The following CD163L1 variants were observed in gnomAD, a reference collection of about 807,000 sequenced individuals.
CD163L1 encodes scavenger receptor cysteine-rich type 1 protein M160.
In CD163L1, 124 loss-of-function variants were observed where a neutral mutation model predicts 165.4. The ratio of observed to expected loss-of-function variants is 0.75; its 90% CI spans 0.65 to 0.87. The LOEUF (loss-of-function observed/expected upper bound fraction) is 0.87. Among genes scored for constraint, CD163L1 ranks in the 40% least tolerant of loss-of-function variants. The pLI is 0.00. For synonymous variants in CD163L1, 585 were observed against 662.2 expected (o/e 0.88, Z 1.79); for missense variants, 1,525 against 1,799.9 (o/e 0.85, Z 2.76).
At chr12:7,413,463 C>G (rs1190942682) in intron 4 of CD163L1, among the ~76,000 whole-genome samples, 1 of 152,194 alleles carries the variant, frequency 6.6e-6, no homozygotes, top group Non-Finnish European at 1.5e-5. Context: ...CACATCCTAC[C>G]AACCAGCTCA....
chr12:7,409,302 A>G (rs1432850518), intron 4 of CD163L1, among the ~76,000 whole-genome samples: 1 of 152,184 alleles, frequency 6.6e-6, no homozygotes, highest in East Asian at 1.9e-4. Flanking sequence ...TGTAGCACAC[A>G]AAGTTCAGAA....
Position 7,374,741 on chromosome 12 carries a change from C to T in CD163L1, c.3110G>A (p.Arg1037His), listed in dbSNP as rs367952021. 1.7e-4 allele frequency: 280 copies of T among 1,613,376 alleles called. No homozygotes were observed. The highest frequency in any genetic ancestry group is 2.2e-4 in the Non-Finnish European group (262 of 1,179,602). Residue 1037 changes from arginine (R) to histidine (H), a missense_variant, in exon 13 of 20, where the codon CGC becomes CAC. Arg to His is a conservative substitution (Grantham distance 29). Coordinates refer to ENST00000313599, the MANE Select transcript of CD163L1 (RefSeq NM_174941.6). This position sits in a 1 kb window ranked among gnomAD's most constrained non-coding sequence, Gnocchi z 5.4. ...ACAGCGGCTGTCCCCATCCACTAGG[C>T]GGAGCCGTTTGTCCTCTTAGAGGAG... Reference protein sequence around the residue: ...ALICLEDKRLRLVDGDSRCAG... With the variant: ...ALICLEDKRLHLVDGDSRCAG...
chr12:7,421,371 A>G (rs1948383904), intron 4 of CD163L1, among the ~76,000 whole-genome samples: 1 of 114,844 alleles, frequency 8.7e-6, no homozygotes, highest in East Asian at 2.6e-4. Flanking sequence ...ATATATGTAT[A>G]TATACATTTG....
At chr12:7,345,961 C>T (rs543649856), downstream of CD163L1, among the ~76,000 whole-genome samples, 17 of 152,232 alleles carry the variant, frequency 1.1e-4, no homozygotes, top group African/African-American at 3.6e-4. Flanking sequence ...ATTACAAGGA[C>T]GGCACCAAGA....
rs758292307 is a variant in CD163L1, at chr12:7,440,754, G to A, written c.124+400C>T. On this transcript the variant is annotated intron_variant, in intron 2 of 19. Coordinates refer to ENST00000313599, the MANE Select transcript of CD163L1 (RefSeq NM_174941.6). ...CAATTCTTCCACTTCAGCCCCCCAA[G>A]TAGCTGGGGTTACAGGTGCACACCA... is the stretch of plus-strand genomic sequence containing the variant. Among the ~76,000 whole-genome samples, 36 of 151,418 alleles carry A rather than the reference G, an allele frequency of 2.4e-4. 1 individual carries two copies. In the South Asian group the frequency reaches 7.5e-3, roughly 32 times the overall value.
downstream of CD163L1, among the ~76,000 whole-genome samples, chr12:7,353,180 TAA>T (rs1946719335): frequency 6.6e-6 from 1 of 151,968 alleles, no homozygotes; most frequent in Admixed American, 6.6e-5. Context: ...AATGAAATGA[TAA>T]GTTTATAAAA....
chr12:7,369,437 G>A lies in CD163L1; in HGVS notation c.3959C>T (p.Ser1320Leu), dbSNP rs768198426. Residue 1320 changes from serine (S) to leucine (L), a missense_variant, in exon 15 of 20, where the codon TCA (serine) becomes TTA (leucine). Physicochemically the swap from Ser to Leu is moderately radical, Grantham distance 145 (BLOSUM62 -2). Transcript: ENST00000313599. This position sits in a 1 kb window ranked among gnomAD's most constrained non-coding sequence, Gnocchi z 4.9. ...TTTGGCGTGACAGTCCCATAGAAAT[G>A]ACTCATTTCCTTTGCACCGCATGTC... ...LDDMRCKGNE[S>L]FLWDCHAKPW... 21 of 1,614,100 alleles carry A rather than the reference G, an allele frequency of 1.3e-5. No individual in the cohort carries two copies. The South Asian group carries it at 2.2e-4, about 17-fold the overall frequency.
At chr12:7,356,256 G>C (rs1946772896) in intron 19 of CD163L1, among the ~76,000 whole-genome samples, 1 of 151,992 alleles carries the variant, frequency 6.6e-6, no homozygotes, top group Non-Finnish European at 1.5e-5. Context: ...ATATAAAGAG[G>C]AAAAAGGCTT....
At chr12:7,352,471 A>C (rs181326911), downstream of CD163L1, among the ~76,000 whole-genome samples, 18 of 152,262 alleles carry the variant, frequency 1.2e-4, no homozygotes, top group Admixed American at 8.5e-4. Flanking sequence ...TGAAGACCAC[A>C]CACACATGCA....
chr12:7,366,762 G>T (rs1038132041), intron 18 of CD163L1, among the ~76,000 whole-genome samples: 1 of 152,052 alleles, frequency 6.6e-6, no homozygotes, highest in South Asian at 2.1e-4. Context: ...TTCCAAAACA[G>T]ATTGAGTTTT....
At chr12:7,421,490 TAC>T (rs1239830246) in intron 4 of CD163L1, among the ~76,000 whole-genome samples, 3 of 105,172 alleles carry the variant, frequency 2.9e-5, no homozygotes, top group African/African-American at 1.4e-4. Flanking sequence ...TGTACATATA[TAC>T]ATATATGTAC....
rs771662725 is a variant in CD163L1 at position 7,400,727 on chromosome 12, T to C, written c.1409-2143A>G. On this transcript the variant is annotated intron_variant, in intron 6 of 19. Transcript: ENST00000313599. This position sits in a 1 kb window ranked among gnomAD's most constrained non-coding sequence, Gnocchi z 4.1. ...ACCTTAAAAACAATTCCAATGTCAA[T>C]TCATATTTAGAAGAACAAAAAGGAA... Among the ~76,000 whole-genome samples the C allele has an allele frequency of 2.0e-5, 3 of 152,148 alleles. No individual in the cohort carries two copies. The highest frequency in any genetic ancestry group is 1.3e-4 in the Admixed American group (2 of 15,264).
At chr12:7,434,588 T>C (rs1320373754) in intron 2 of CD163L1, among the ~76,000 whole-genome samples, 1 of 151,660 alleles carries the variant, frequency 6.6e-6, no homozygotes, top group Non-Finnish European at 1.5e-5. Context: ...CATATGATGA[T>C]GATGAGAGGG....
downstream of CD163L1, among the ~76,000 whole-genome samples, chr12:7,343,555 G>GAAAGCA (rs750407847): frequency 6.6e-6 from 1 of 152,180 alleles, no homozygotes; most frequent in East Asian, 1.9e-4. Context: ...ATCATACAGA[G>GAAAGCA]AAAGCAAAAG....
chr12:7,392,778 G>T (rs1220651104), intron 8 of CD163L1, among the ~76,000 whole-genome samples: 1 of 152,114 alleles, frequency 6.6e-6, no homozygotes, highest in Non-Finnish European at 1.5e-5. Context: ...TACCATCAGA[G>T]AACACTATAA....
At chr12:7,399,340 CTCT>C (rs1398993951) in intron 6 of CD163L1, among the ~76,000 whole-genome samples, 2 of 99,730 alleles carry the variant, frequency 2.0e-5, no homozygotes, top group Admixed American at 1.0e-4. Context: ...CTTTCATTCT[CTCT>C]TCTTTCATTC....
the CD163L1 span, chr12:7,327,115 G>C: frequency 6.3e-7 from 1 of 1,579,416 alleles, no homozygotes; most frequent in Non-Finnish European, 8.6e-7. Flanking sequence ...TTGCCCAAAA[G>C]TTAAGTTTGG....
At chr12:7,403,915 C>T (rs774295163) in intron 5 of CD163L1, 60 bp from the exon 6 acceptor site, 21 of 1,422,880 alleles carry the variant, frequency 1.5e-5, no homozygotes, top group Non-Finnish European at 2.0e-5. Context: ...ATCAGCATCC[C>T]TCTCCTCCAA....
At chr12:7,435,918 A>C (rs1948707591) in intron 2 of CD163L1, among the ~76,000 whole-genome samples, 1 of 152,222 alleles carries the variant, frequency 6.6e-6, no homozygotes, top group South Asian at 2.1e-4. Context: ...GAAATATAAT[A>C]TTGAAAGATA....
Sources: allele counts gnomAD v4.1 joint callset (sites outside exome capture counted in the v4.1 genomes callset), GRCh38; gene constraint gnomAD v4.1.1; non-coding constraint Gnocchi (gnomAD v3.1); transcripts MANE v1.5; gene names NCBI Gene and HGNC (gene_info 2026-07-23, HGNC 2026-07-21).